SMG7: variants seen among roughly 807,000 people sequenced by gnomAD.
SMG7 encodes the protein nonsense-mediated mRNA decay factor SMG7.
SMG7 carries 34 observed loss-of-function variants against 148.2 expected under a neutral mutation model. That is an observed-to-expected ratio of 0.23 (90% CI 0.17 to 0.31). The LOEUF is 0.31. Among genes scored for constraint, SMG7 ranks in the 10% least tolerant of loss-of-function variants. The probability of loss-of-function intolerance (pLI) is 1.00; values close to 1 mark genes in which losing one functional copy is unlikely to be tolerated. For synonymous variants in SMG7, 492 were observed against 515.1 expected, an observed-to-expected ratio of 0.96 and a Z score of 0.61; for missense variants, 1,114 against 1,408.4, an observed-to-expected ratio of 0.79 and a Z score of 3.35.
intron 10 of SMG7, 96 bp downstream of exon 10, chr1:183,533,928 C>T: frequency 1.0e-6 from 1 of 969,218 alleles, no homozygotes; most frequent in East Asian, 2.5e-5. Flanking sequence ...AACATTTGAA[C>T]AATAGAATAC....
chr1:183,520,794 C>T (rs1664590195), intron 4 of SMG7, among the ~76,000 whole-genome samples: 1 of 152,058 alleles, frequency 6.6e-6, no homozygotes, highest in African/African-American at 2.4e-5. Context: ...AAGAAAGAAT[C>T]ATCATTTTTA....
chr1:183,502,987 GCGAGAGTGATACCT>G (rs1351811958), intron 1 of SMG7, among the ~76,000 whole-genome samples: 2 of 152,204 alleles, frequency 1.3e-5, no homozygotes, highest in East Asian at 3.8e-4. Flanking sequence ...AGTTGCCTCT[GCGAGAGTGATACCT>G]CTAGCCTGGC....
At chr1:183,532,932 A>G (rs938942224) in intron 8 of SMG7, among the ~76,000 whole-genome samples, 2 of 152,224 alleles carry the variant, frequency 1.3e-5, no homozygotes, top group African/African-American at 4.8e-5. Context: ...GTTTGTTGAT[A>G]AACAATTCAA....
In SMG7 at chr1:183,527,644, T is replaced by G. The variant is rs1291362160; in HGVS notation, c.485-312T>G. On this transcript the variant is annotated intron_variant, in intron 5 of 22. Coordinates refer to ENST00000688051, the MANE Select transcript of SMG7 (RefSeq NM_001375584.1). The surrounding 1 kb of genome is among the most constrained non-coding windows in gnomAD (Gnocchi z 4.0). Reference sequence around the variant, plus strand: ...TTTTAAGTGCCATATAACTCACCCCTTCTTGTGGGCCGGCTCCAGGTCACC... The same window carrying G: ...TTTTAAGTGCCATATAACTCACCCCGTCTTGTGGGCCGGCTCCAGGTCACC... The G allele has an allele frequency of 2.0e-6, 1 of 495,796 alleles. No homozygotes were observed. 30.7% of individuals were successfully genotyped at this position (495,796 alleles called of 1,614,324 possible).
intron 1 of SMG7, chr1:183,473,786 G>T (rs1452284933): frequency 1.0e-6 from 1 of 985,150 alleles, no homozygotes; most frequent in Non-Finnish European, 1.2e-6. Flanking sequence ...CATACCTTGC[G>T]GAGGAGGGAG....
At position 183,493,991 on chromosome 1, in the gene SMG7, C is replaced by CT. The variant is rs573997850; in HGVS notation, c.30-18840dup. On this transcript the variant is annotated intron_variant, in intron 1 of 22. Transcript: ENST00000688051. Reference sequence around the variant, plus strand: ...TTCCCTGTTTCTGTTTTTGTATTTTCTTTTTTGCTTGTTTGAAACAGGGTC... The same window carrying CT: ...TTCCCTGTTTCTGTTTTTGTATTTTCTTTTTTTGCTTGTTTGAAACAGGGTC... 2.6e-5 allele frequency among the ~76,000 whole-genome samples: 4 copies of CT among 151,716 alleles called. No individual in the cohort carries two copies. In the South Asian group the frequency reaches 8.4e-4, roughly 32 times the overall value.
intron 17 of SMG7, 50 bp downstream of exon 17, chr1:183,546,387 G>A (rs1211587188): frequency 6.4e-7 from 1 of 1,553,168 alleles, no homozygotes; most frequent in Admixed American, 2.0e-5. Flanking sequence ...GTCTGAGGTT[G>A]ACTGTCTTTT....
Position 183,517,734 on chromosome 1 carries a change from G to T in SMG7, c.226G>T (p.Ala76Ser), listed in dbSNP as rs143771079. 1.9e-6 allele frequency: 3 copies of T among 1,613,878 alleles called. No homozygotes were observed. In the African/African-American group the frequency reaches 4.0e-5, roughly 22 times the overall value. Reference sequence around the variant, plus strand: ...TCAGATCACAACACTGCAAGGCCAGGCAAAGAATCGAGCAAATCCGAATCG... The same window carrying T: ...TCAGATCACAACACTGCAAGGCCAGTCAAAGAATCGAGCAAATCCGAATCG... ...KNQITTLQGQ[A>S]KNRANPNRSE... The change falls in exon 4 of 23, where the codon GCA (alanine) becomes TCA (serine). Residue 76 changes from alanine (A) to serine (S), a missense_variant. By Grantham distance (99) the Ala-to-Ser change is moderately conservative. Transcript: ENST00000688051.
At chr1:183,524,030 G>A (rs144452214) in intron 4 of SMG7, among the ~76,000 whole-genome samples, 8 of 150,242 alleles carry the variant, frequency 5.3e-5, no homozygotes, top group South Asian at 2.1e-4. Flanking sequence ...AACCCATCCC[G>A]TTCAGGACAT....
In SMG7 at chr1:183,477,579, TATAC is replaced by T. The variant is rs1322660314; in HGVS notation, c.29+4931_29+4934del. 4.8e-3 allele frequency among the ~76,000 whole-genome samples: 691 copies of T among 143,196 alleles called. 163 individuals are homozygous for T. The highest frequency in any genetic ancestry group is 7.8e-3 in the Non-Finnish European group (506 of 65,026). 93.9% of individuals were successfully genotyped at this position (143,196 alleles called of 152,430 possible). On this transcript the variant is annotated intron_variant, in intron 1 of 22. Transcript: ENST00000688051. ...GTGTGCATATGTGTATATATGCATATATACGTGTGTGCATATGTGTATATATGCA... is the reference window on the plus strand; with the variant it reads ...GTGTGCATATGTGTATATATGCATATGTGTGTGCATATGTGTATATATGCA...
chr1:183,514,692 G>A (rs957956135), intron 2 of SMG7, among the ~76,000 whole-genome samples: 1 of 152,222 alleles, frequency 6.6e-6, no homozygotes, highest in Admixed American at 6.5e-5. Flanking sequence ...TCATTTGAAT[G>A]ATGGTCTTGA....
intron 10 of SMG7, among the ~76,000 whole-genome samples, chr1:183,535,295 C>G (rs1293781319): frequency 6.6e-6 from 1 of 152,114 alleles, no homozygotes; most frequent in African/African-American, 2.4e-5. Context: ...CCCATTTCTT[C>G]TCATGGCAAA....
intron 10 of SMG7, among the ~76,000 whole-genome samples, chr1:183,534,846 CAA>C (rs879330862): frequency 6.7e-5 from 9 of 134,186 alleles, no homozygotes; most frequent in Non-Finnish European, 3.2e-5. Flanking sequence ...CAGCCTGTCT[CAA>C]AAAAAAAAAA....
chr1:183,507,742 CTGAG>C (rs1439155634), intron 1 of SMG7, among the ~76,000 whole-genome samples: 1 of 152,050 alleles, frequency 6.6e-6, no homozygotes, highest in Non-Finnish European at 1.5e-5. Context: ...GTATATAGTA[CTGAG>C]TGTTTAGAAT....
chr1:183,504,313 G>A (rs1660406584), intron 1 of SMG7, among the ~76,000 whole-genome samples: 1 of 151,234 alleles, frequency 6.6e-6, no homozygotes, highest in Non-Finnish European at 1.5e-5. Context: ...CGATTTTTCT[G>A]TTGATATCTT....
intron 1 of SMG7, among the ~76,000 whole-genome samples, chr1:183,496,411 G>A (rs917012871): frequency 5.9e-5 from 9 of 151,916 alleles, no homozygotes; most frequent in African/African-American, 2.2e-4. Flanking sequence ...TCTTAAAAAC[G>A]CTTTTGACCT....
intron 1 of SMG7, among the ~76,000 whole-genome samples, chr1:183,505,413 A>G (rs182193421): frequency 9.9e-5 from 15 of 152,178 alleles, no homozygotes; most frequent in Admixed American, 7.9e-4. Context: ...CTGTCATACT[A>G]TTCACCAATT....
intron 12 of SMG7, among the ~76,000 whole-genome samples, chr1:183,540,186 G>T (rs1345772382): frequency 1.3e-5 from 2 of 151,940 alleles, no homozygotes; most frequent in African/African-American, 4.8e-5. Context: ...CACCAGCCTG[G>T]TAAGCACTTA....
intron 11 of SMG7, among the ~76,000 whole-genome samples, chr1:183,538,143 A>G (rs927825237): frequency 1.3e-5 from 2 of 152,176 alleles, no homozygotes; most frequent in African/African-American, 4.8e-5. Context: ...TTAAAAAGCC[A>G]TTCTCCTCAG....
Sources: allele counts gnomAD v4.1 joint callset (sites outside exome capture counted in the v4.1 genomes callset), GRCh38; gene constraint gnomAD v4.1.1; non-coding constraint Gnocchi (gnomAD v3.1); transcripts MANE v1.5; gene names NCBI Gene and HGNC (gene_info 2026-07-23, HGNC 2026-07-21).